The following AMACR variants were observed in gnomAD, a reference collection of about 807,000 sequenced individuals.
AMACR encodes alpha-methylacyl-CoA racemase.
AMACR carries 18 observed loss-of-function variants against 22.2 expected under a neutral mutation model. The ratio of observed to expected loss-of-function variants is 0.81; its 90% confidence interval spans 0.56 to 1.20. The LOEUF is 1.20. AMACR is among the 50% of genes most tolerant of loss of function. The pLI, the probability that AMACR is intolerant of heterozygous loss-of-function variation, is 0.00. For synonymous variants in AMACR, 213 were observed against 191.3 expected (o/e 1.11, Z -0.94); for missense variants, 499 against 490.6 (o/e 1.02, Z -0.16).
chr5:33,988,369 G>C lies in AMACR; in HGVS notation c.*724C>G, dbSNP rs1210097679. 6.5e-7 allele frequency: 1 copy of C among 1,539,492 alleles called. No homozygotes were observed. The highest frequency in any genetic ancestry group is 8.7e-7 in the Non-Finnish European group (1 of 1,148,108). Reference sequence around the variant, plus strand: ...CCAGAACTTGCTACCAGCCTGAGGAGAAATCAAACACATGGAGAAAGGAAA... The same window carrying C: ...CCAGAACTTGCTACCAGCCTGAGGACAAATCAAACACATGGAGAAAGGAAA... On this transcript the variant is annotated 3_prime_UTR_variant, in exon 5 of 5. Coordinates refer to ENST00000335606, the MANE Select transcript of AMACR (RefSeq NM_014324.6).
At chr5:33,997,477 C>A (rs777411203) in intron 4 of AMACR, 1 of 779,760 alleles carries the variant, frequency 1.3e-6, no homozygotes, top group African/African-American at 1.7e-5. Flanking sequence ...TGGCACGATA[C>A]TGCTTCCTGT....
chr5:33,986,719 G>A lies in AMACR; in HGVS notation c.*2374C>T, dbSNP rs914590537. 6.6e-6 allele frequency: 1 copy of A among 152,138 alleles called. No homozygotes were observed. Among genetic ancestry groups the A allele is most frequent in the African/African-American group, 2.4e-5 (1 of 41,414 alleles). The allele number at this position is 152,138 out of a possible 1,614,324, so 9.4% of individuals were successfully genotyped here. A position where few individuals can be genotyped will look rare whatever the true frequency, so the allele number is the denominator to read the frequency against. On this transcript the variant is annotated 3_prime_UTR_variant, in exon 5 of 5. Transcript: ENST00000335606. ...CCTAGATTTCTTTCTTCTCCCTGAG[G>A]TATTACTGCCAGTGTCTATGTCTCC...
chr5:33,993,623 A>G (rs1447140368), intron 4 of AMACR, among the ~76,000 whole-genome samples: 1 of 152,130 alleles, frequency 6.6e-6, no homozygotes, highest in Non-Finnish European at 1.5e-5. Context: ...GAAGGCCAGG[A>G]GTGGTGGCTC....
At chr5:33,989,965 A>G (rs906732729) in intron 4 of AMACR, among the ~76,000 whole-genome samples, 2 of 152,174 alleles carry the variant, frequency 1.3e-5, no homozygotes, top group Non-Finnish European at 2.9e-5. Flanking sequence ...TTAATTCAGG[A>G]TTGCAATTTT....
chr5:33,992,700 T>C (rs1478496733), intron 4 of AMACR, among the ~76,000 whole-genome samples: 3 of 152,142 alleles, frequency 2.0e-5, no homozygotes, highest in African/African-American at 7.2e-5. Flanking sequence ...ACAGTGTAAG[T>C]CCTTGTCTCA....
intron 1 of AMACR, among the ~76,000 whole-genome samples, 177 bp downstream of exon 1, chr5:34,007,596 G>C (rs527422270): frequency 6.6e-6 from 1 of 152,318 alleles, no homozygotes; most frequent in African/African-American, 2.4e-5. Flanking sequence ...GGACAATCCA[G>C]TTTGGGAAGA....
At chr5:34,004,522 A>G (rs1753911511) in intron 3 of AMACR, 52 bp downstream of exon 3, 1 of 1,607,848 alleles carries the variant, frequency 6.2e-7, no homozygotes, top group South Asian at 1.1e-5. Context: ...TTAAGCAGCT[A>G]TATCTTAAAC....
intron 3 of AMACR, among the ~76,000 whole-genome samples, chr5:34,000,243 G>C (rs992039185): frequency 1.3e-5 from 2 of 152,276 alleles, no homozygotes; most frequent in South Asian, 4.1e-4. Context: ...TTCCGCTCAA[G>C]CTTTACTTCT....
chr5:34,001,402 T>C (rs1287357685), intron 3 of AMACR, among the ~76,000 whole-genome samples: 2 of 152,240 alleles, frequency 1.3e-5, no homozygotes, highest in Admixed American at 1.3e-4. Context: ...AGTGGGCCTT[T>C]GCCTTGTTTG....
chr5:34,007,738 A>G (rs1253818220), intron 1 of AMACR, 35 bp downstream of exon 1: 2 of 1,522,214 alleles, frequency 1.3e-6, no homozygotes, highest in South Asian at 2.4e-5. Context: ...CTCCGCGGGA[A>G]CTTCCCGAGA....
intron 4 of AMACR, among the ~76,000 whole-genome samples, chr5:33,990,517 C>A (rs1753442266): frequency 6.6e-6 from 1 of 151,314 alleles, no homozygotes; most frequent in Non-Finnish European, 1.5e-5. Context: ...TTAAATTATA[C>A]CCAAAGAGCA....
chr5:33,994,976 G>A (rs1466076563), intron 4 of AMACR, among the ~76,000 whole-genome samples: 1 of 152,196 alleles, frequency 6.6e-6, no homozygotes, highest in Admixed American at 6.5e-5. Context: ...CCGAGGTTTG[G>A]CTTTCTGTGG....
chr5:34,005,816 C>T lies in AMACR; in HGVS notation c.331G>A (p.Gly111Ser). Residue 111 changes from glycine to serine, a missense_variant, in exon 2 of 5, where the codon GGC (glycine) becomes AGC (serine). Coordinates refer to ENST00000335606, the MANE Select transcript of AMACR (RefSeq NM_014324.6). ...AACCGGCAGAAGCTTCCTGACTGGC[C>T]AAATCCACTCAGCCTGGCATAAATA... is the stretch of plus-strand genomic sequence containing the variant. ...RLIYARLSGF[G>S]QSGSFCRLAG... 1 of 1,614,084 alleles carries T rather than the reference C, an allele frequency of 6.2e-7. No individual in the cohort carries two copies. Among genetic ancestry groups the T allele is most frequent in the Non-Finnish European group, 8.5e-7 (1 of 1,180,034 alleles).
At chr5:34,005,388 C>T (rs951965013) in intron 2 of AMACR, among the ~76,000 whole-genome samples, 1 of 151,790 alleles carries the variant, frequency 6.6e-6, no homozygotes, top group Non-Finnish European at 1.5e-5. Context: ...TTTCGGGGTC[C>T]GGGGGAGAAG....
rs540717112 is a variant in AMACR at position 33,993,809 on chromosome 5, G to GA, written c.740-4308dup. ...AGCTACTCAGGAGGCTGAGGCAGGA[G>GA]AATCACTTGAATCCAAGAGGCAGAG... is the stretch of plus-strand genomic sequence containing the variant. On this transcript the variant is annotated intron_variant, in intron 4 of 4. Coordinates refer to ENST00000335606, the MANE Select transcript of AMACR (RefSeq NM_014324.6). 9.9e-4 allele frequency: 217 copies of GA among 218,694 alleles called. 7 individuals carry two copies. In the South Asian group the frequency reaches 0.012, roughly 12 times the overall value. 13.5% of individuals were successfully genotyped at this position (218,694 alleles called of 1,614,324 possible).
chr5:34,007,613 A>G (rs1754023098), intron 1 of AMACR, among the ~76,000 whole-genome samples, 160 bp downstream of exon 1: 1 of 152,178 alleles, frequency 6.6e-6, no homozygotes, highest in Admixed American at 6.5e-5. Flanking sequence ...AAGAATGATC[A>G]CTAACAATAC....
intron 4 of AMACR, among the ~76,000 whole-genome samples, chr5:33,990,770 T>C (rs1753448758): frequency 6.6e-6 from 1 of 152,196 alleles, no homozygotes; most frequent in Non-Finnish European, 1.5e-5. Context: ...CCTATAGAGG[T>C]AAGAAGACAT....
intron 3 of AMACR, among the ~76,000 whole-genome samples, chr5:34,001,961 C>CATTTTTAGGTATTTTAGGTATTTTAGGT (rs1753830810): frequency 1.3e-5 from 2 of 152,198 alleles, no homozygotes; most frequent in East Asian, 3.8e-4. Flanking sequence ...AAGATTACAA[C>CATTTTTAGGTATTTTAGGTATTTTAGGT]ATTTTCACAT....
Position 33,996,926 on chromosome 5 carries a change from A to G in AMACR, c.739+1715T>C. ...AAATCATTAAACAAACAGCAACAATAACAAGCCCAGGACTGAGGGATCCTG... is the reference window on the plus strand; with the variant it reads ...AAATCATTAAACAAACAGCAACAATGACAAGCCCAGGACTGAGGGATCCTG... On this transcript the variant is annotated intron_variant, in intron 4 of 4. Coordinates refer to ENST00000335606, the MANE Select transcript of AMACR (RefSeq NM_014324.6). The G allele has an allele frequency of 7.0e-6, 3 of 430,386 alleles. No individual in the cohort carries two copies. In the South Asian group the frequency reaches 1.5e-4, roughly 22 times the overall value. The allele number at this position is 430,386 out of a possible 1,614,324, so 26.7% of individuals were successfully genotyped here.
Sources: allele counts gnomAD v4.1 joint callset (sites outside exome capture counted in the v4.1 genomes callset), GRCh38; gene constraint gnomAD v4.1.1; transcripts MANE v1.5; gene names NCBI Gene and HGNC (gene_info 2026-07-23, HGNC 2026-07-21).